The following PCDHGA5 variants were observed in gnomAD, a reference collection of about 807,000 sequenced individuals.
PCDHGA5 encodes the protein protocadherin gamma-A5.
Under a neutral mutation model 56.7 loss-of-function variants are expected in PCDHGA5, and 36 were observed. The observed-to-expected ratio is 0.64, with a 90% CI of 0.49 to 0.84. The LOEUF is 0.84. PCDHGA5 is among the 40% of genes least tolerant of loss of function. The pLI is 0.00. For synonymous variants in PCDHGA5, 563 were observed against 520.2 expected, an observed-to-expected ratio of 1.08 and a Z score of -1.12; for missense variants, 1,305 against 1,201.5, an observed-to-expected ratio of 1.09 and a Z score of -1.27.
chr5:141,440,035 C>T, intron 1 of PCDHGA5: 1 of 153,140 alleles, frequency 6.5e-6, no homozygotes, highest in East Asian at 1.9e-4. Flanking sequence ...GTGTCGAGGA[C>T]ATGCCCACTT....
Position 141,427,844 on chromosome 5 carries a change from C to A in PCDHGA5, c.2421+61093C>A, listed in dbSNP as rs997069058. 6.5e-6 allele frequency: 10 copies of A among 1,550,194 alleles called. No homozygotes were observed. In the East Asian group the frequency reaches 2.2e-4, roughly 35 times the overall value. On this transcript the variant is annotated intron_variant, in intron 1 of 3. Transcript: ENST00000518069. ...TGGTCGCGCAGCGTGCCTTCGACCA[C>A]GAGCAGCTGTGCGCCTTCGAGCTCA...
intron 2 of PCDHGA5, among the ~76,000 whole-genome samples, chr5:141,501,110 G>A (rs1373404247): frequency 2.6e-5 from 4 of 151,908 alleles, no homozygotes; most frequent in Admixed American, 6.6e-5. Flanking sequence ...CTCGTGATCC[G>A]CCTGCCTCAG....
intron 1 of PCDHGA5, chr5:141,400,672 A>G: frequency 1.1e-6 from 1 of 934,884 alleles, no homozygotes; most frequent in Non-Finnish European, 1.6e-6. Flanking sequence ...TAAGAGGAGC[A>G]GTAAATTGTG....
At chr5:141,445,420 T>C (rs968387442) in intron 1 of PCDHGA5, among the ~76,000 whole-genome samples, 3 of 152,204 alleles carry the variant, frequency 2.0e-5, no homozygotes, top group Admixed American at 6.5e-5. Context: ...GTCTGCTATA[T>C]GCAAGGCACT....
At position 141,489,297 on chromosome 5, in the gene PCDHGA5, G is replaced by A. The variant is rs184934961; in HGVS notation, c.2422-5510G>A. 5.1e-6 allele frequency: 8 copies of A among 1,583,774 alleles called. No homozygotes were observed. Among genetic ancestry groups the A allele is most frequent in the Non-Finnish European group, 6.9e-6 (8 of 1,164,904 alleles). ...GGAAATGGCAAGTGCTGTGCATGTT[G>A]TCCTTGTGCTGCTGGGGCTGGGTGT... is the stretch of plus-strand genomic sequence containing the variant. On this transcript the variant is annotated intron_variant, in intron 1 of 3. Coordinates refer to ENST00000518069, the MANE Select transcript of PCDHGA5 (RefSeq NM_018918.3). This position sits in a 1 kb window ranked among gnomAD's most constrained non-coding sequence, Gnocchi z 4.5.
intron 2 of PCDHGA5, among the ~76,000 whole-genome samples, chr5:141,504,341 CTTTGTGCTAGGT>C (rs963088433): frequency 3.9e-5 from 6 of 152,020 alleles, no homozygotes; most frequent in African/African-American, 1.4e-4. Flanking sequence ...AAGTGCTAGG[CTTTGTGCTAGGT>C]GCTTCAGTAG....
intron 1 of PCDHGA5, among the ~76,000 whole-genome samples, chr5:141,459,324 T>G (rs2098966238): frequency 6.6e-6 from 1 of 152,226 alleles, no homozygotes; most frequent in African/African-American, 2.4e-5. Flanking sequence ...ATCCATCTTC[T>G]TTTACTCCAA....
intron 1 of PCDHGA5, chr5:141,399,620 C>T: frequency 6.2e-7 from 1 of 1,613,940 alleles, no homozygotes; most frequent in Non-Finnish European, 8.5e-7. Flanking sequence ...CTGGCACTGG[C>T]CTCTTACGTG....
intron 1 of PCDHGA5, among the ~76,000 whole-genome samples, chr5:141,462,479 GGTT>G (rs1329069527): frequency 6.6e-6 from 1 of 151,838 alleles, no homozygotes; most frequent in Non-Finnish European, 1.5e-5. Flanking sequence ...TGCTTCTCGT[GGTT>G]GTTGTATCCT....
In PCDHGA5 at chr5:141,409,653, A is replaced by G. The variant is rs763812886; in HGVS notation, c.2421+42902A>G. 10 of 1,613,542 alleles carry G rather than the reference A, an allele frequency of 6.2e-6. No homozygotes were observed. The East Asian group carries it at 8.9e-5, about 14-fold the overall frequency. ...GCCTCTGACCCGGATTTGGGGCTCAATGGCCACATCTCCTACTCTATAGTG... is the reference window on the plus strand; with the variant it reads ...GCCTCTGACCCGGATTTGGGGCTCAGTGGCCACATCTCCTACTCTATAGTG... On this transcript the variant is annotated intron_variant, in intron 1 of 3. Transcript: ENST00000518069.
chr5:141,400,167 C>A, intron 1 of PCDHGA5: 1 of 1,614,082 alleles, frequency 6.2e-7, no homozygotes, highest in Non-Finnish European at 8.5e-7. Flanking sequence ...CCTCTGACCC[C>A]CAGGCTGAGC....
At chr5:141,397,241 A>G (rs907539043) in intron 1 of PCDHGA5, among the ~76,000 whole-genome samples, 1 of 152,232 alleles carries the variant, frequency 6.6e-6, no homozygotes, top group Admixed American at 6.5e-5. Context: ...AGAGCAACGT[A>G]GTAGGGTATA....
At chr5:141,410,058 T>C in intron 1 of PCDHGA5, 1 of 1,613,016 alleles carries the variant, frequency 6.2e-7, no homozygotes, top group Non-Finnish European at 8.5e-7. Context: ...CTCTTCAGCC[T>C]GGGGCTGCGC....
Position 141,504,006 on chromosome 5 carries a change from G to C in PCDHGA5, c.2481-1387G>C, listed in dbSNP as rs138738950. Among the ~76,000 whole-genome samples, 1,431 of 152,182 alleles carry C rather than the reference G, an allele frequency of 9.4e-3. 31 individuals are homozygous for C. The highest frequency in any genetic ancestry group is 0.033 in the African/African-American group (1,367 of 41,490). On this transcript the variant is annotated intron_variant, in intron 2 of 3. Coordinates refer to ENST00000518069, the MANE Select transcript of PCDHGA5 (RefSeq NM_018918.3). The stretch of plus-strand genomic sequence containing the variant: ...CTTCTTACCTTACAGTCACTTAACT[G>C]TCTCTGCTGGTCTCTTCCCACTCAT...
rs2099413746 is a variant in PCDHGA5, at chr5:141,477,589, G to A, written c.2422-17218G>A. ...ACCCCGACGCCCCGCAGAATGCTCGGCTTTCTTTCTTTCTCTTGGAGCAAG... is the reference window on the plus strand; with the variant it reads ...ACCCCGACGCCCCGCAGAATGCTCGACTTTCTTTCTTTCTCTTGGAGCAAG... On this transcript the variant is annotated intron_variant, in intron 1 of 3. Transcript: ENST00000518069. The surrounding 1 kb of genome is among the most constrained non-coding windows in gnomAD (Gnocchi z 4.9). 1 of 1,614,012 alleles carries A rather than the reference G, an allele frequency of 6.2e-7. No individual in the cohort carries two copies. The highest frequency in any genetic ancestry group is 1.1e-5 in the South Asian group (1 of 91,090).
intron 1 of PCDHGA5, chr5:141,395,122 T>C (rs72790033): frequency 0.028 from 44,899 of 1,614,158 alleles, 731 homozygotes; most frequent in Non-Finnish European, 0.032. Flanking sequence ...CACCTGATCT[T>C]TCCCCAGCCC....
At chr5:141,501,290 TACACACACACACACAC>T (rs55762287) in intron 2 of PCDHGA5, among the ~76,000 whole-genome samples, 7 of 136,164 alleles carry the variant, frequency 5.1e-5, no homozygotes, top group South Asian at 2.4e-4. Context: ...TATTCCCTTA[TACACACACACACACAC>T]ACACACACAC....
chr5:141,450,985 C>T (rs533993975), intron 1 of PCDHGA5, among the ~76,000 whole-genome samples: 22 of 151,876 alleles, frequency 1.4e-4, no homozygotes, highest in African/African-American at 3.9e-4. Flanking sequence ...CCACCACACC[C>T]GGCTAATTTT....
At position 141,413,851 on chromosome 5, in the gene PCDHGA5, C is replaced by T. The variant is rs766108205; in HGVS notation, c.2421+47100C>T. The T allele has an allele frequency of 1.5e-5, 25 of 1,613,340 alleles. No homozygotes were observed. In the East Asian group the frequency reaches 2.7e-4, roughly 17 times the overall value. ...CGCCTCCGACGGGGGTGACCCTCTC[C>T]GATCTGGCACTGTCCTTGTCAGTGT... On this transcript the variant is annotated intron_variant, in intron 1 of 3. Coordinates refer to ENST00000518069, the MANE Select transcript of PCDHGA5 (RefSeq NM_018918.3).
Sources: gnomAD v4.1 joint callset for allele counts (sites outside exome capture counted in the v4.1 genomes callset) on GRCh38, gnomAD v4.1.1 for gene constraint, Gnocchi (gnomAD v3.1) non-coding constraint, MANE v1.5 for transcripts, NCBI Gene and HGNC (gene_info 2026-07-23, HGNC 2026-07-21) for gene names.